The following TECPR2 variants were observed in gnomAD, a reference collection of about 807,000 sequenced individuals.
The protein encoded by TECPR2 is tectonin beta-propeller repeat containing 2.
A neutral mutation model predicts 138.1 loss-of-function variants in TECPR2; 65 were observed. The observed-to-expected ratio is 0.47, with a 90% confidence interval of 0.39 to 0.58. TECPR2 has a LOEUF of 0.58. Among genes scored for constraint, TECPR2 ranks in the 20% least tolerant of loss-of-function variants. The pLI is 0.00. For missense variants in TECPR2, 1,553 were observed against 1,824.5 expected (o/e 0.85, Z 2.71); for synonymous variants, 746 against 749.8 (o/e 0.99, Z 0.08).
Position 102,498,725 on chromosome 14 carries a change from CCATCATAGGGGGGTGT to C in TECPR2, c.*470_*485del. 2.3e-6 allele frequency: 1 copy of C among 441,270 alleles called. No individual in the cohort carries two copies. The highest frequency in any genetic ancestry group is 1.8e-5 in the South Asian group (1 of 54,144). 27.3% of individuals were successfully genotyped at this position (441,270 alleles called of 1,614,324 possible). ...GGATGTGCTCGGTGATGGCTTTGTCCCATCATAGGGGGGTGTCCCCCCAGAGACAAAGCTGCAGAGC... is the reference window on the plus strand; with the variant it reads ...GGATGTGCTCGGTGATGGCTTTGTCCCCCCCCAGAGACAAAGCTGCAGAGC... On this transcript the variant is annotated 3_prime_UTR_variant, in exon 20 of 20. Coordinates refer to ENST00000359520, the MANE Select transcript of TECPR2 (RefSeq NM_014844.5).
intron 17 of TECPR2, among the ~76,000 whole-genome samples, chr14:102,480,648 T>C (rs1038968347): frequency 6.6e-6 from 1 of 151,952 alleles, no homozygotes; most frequent in African/African-American, 2.4e-5. Flanking sequence ...GCCTCCAAAA[T>C]GGCTAGGGGT....
chr14:102,424,833 AAAAC>A, intron 5 of TECPR2, 142 bp from the exon 6 acceptor site: 2 of 837,440 alleles, frequency 2.4e-6, no homozygotes, highest in Middle Eastern at 3.7e-4. Context: ...GGTTTGACAA[AAAAC>A]AAACAGTAGA....
intron 2 of TECPR2, among the ~76,000 whole-genome samples, chr14:102,389,764 T>G (rs546077527): frequency 2.3e-4 from 35 of 152,324 alleles, no homozygotes; most frequent in African/African-American, 8.4e-4. Context: ...GAATTTGCCT[T>G]GTCTGTTTCT....
chr14:102,487,935 G>A (rs1417997880), intron 17 of TECPR2, among the ~76,000 whole-genome samples: 4 of 147,286 alleles, frequency 2.7e-5, no homozygotes, highest in South Asian at 4.3e-4. Flanking sequence ...TCTGCCTCCC[G>A]GGTTCAAGCG....
At chr14:102,413,167 A>G (rs758458626) in intron 4 of TECPR2, among the ~76,000 whole-genome samples, 1 of 152,080 alleles carries the variant, frequency 6.6e-6, no homozygotes, top group African/African-American at 2.4e-5. Context: ...TTACATGACT[A>G]TAAATTTGTC....
chr14:102,478,199 C>T (rs1374267809), intron 17 of TECPR2, among the ~76,000 whole-genome samples: 1 of 151,852 alleles, frequency 6.6e-6, no homozygotes, highest in African/African-American at 2.4e-5. Context: ...AGGCATGCAC[C>T]ACCGCACCTA....
rs909078054 is a variant in TECPR2, at chr14:102,420,876, A to C, written c.639-4103A>C. On this transcript the variant is annotated intron_variant, in intron 5 of 19. Coordinates refer to ENST00000359520, the MANE Select transcript of TECPR2 (RefSeq NM_014844.5). The surrounding 1 kb of genome is among the most constrained non-coding windows in gnomAD (Gnocchi z 4.1). ...CTGGTGTTCAGGACCTCGCCTTCTC[A>C]TGCCCACTCAGATGCACCACCTTGA... is the stretch of plus-strand genomic sequence containing the variant. Among the ~76,000 whole-genome samples the C allele has an allele frequency of 2.0e-5, 3 of 152,136 alleles. No individual in the cohort carries two copies. The highest frequency in any genetic ancestry group is 7.2e-5 in the African/African-American group (3 of 41,436).
rs1475711275 is a variant in TECPR2 at position 102,413,297 on chromosome 14, T to C, written c.481-1339T>C. ...GTCAGTGATGTTACAGCAGTATTTC[T>C]GAAATAATTGATGAAACTTTTCATA... On this transcript the variant is annotated intron_variant, in intron 4 of 19. Transcript: ENST00000359520. Among the ~76,000 whole-genome samples, 7 of 151,784 alleles carry C rather than the reference T, an allele frequency of 4.6e-5. No homozygotes were observed. In the East Asian group the frequency reaches 1.4e-3, roughly 29 times the overall value.
intron 17 of TECPR2, among the ~76,000 whole-genome samples, chr14:102,473,089 T>C (rs1890682666): frequency 6.6e-6 from 1 of 152,244 alleles, no homozygotes; most frequent in African/African-American, 2.4e-5. Flanking sequence ...GTTCAGAAAG[T>C]TGCCTGAGGC....
rs1167894346 is a variant in TECPR2 at position 102,402,231 on chromosome 14, TC to T, written c.220-5106del. ...AACCACAACAGGATAAAGTTAGAAA[TC>T]AGTAACAGAAGGAAAATTGGAGAAT... is the stretch of plus-strand genomic sequence containing the variant. On this transcript the variant is annotated intron_variant, in intron 2 of 19. Transcript: ENST00000359520. 2.0e-5 allele frequency among the ~76,000 whole-genome samples: 3 copies of T among 152,188 alleles called. No homozygotes were observed. The East Asian group carries it at 5.8e-4, about 29-fold the overall frequency.
rs760573958 is a variant in TECPR2, at chr14:102,498,849, G to A, written c.*592G>A. On this transcript the variant is annotated 3_prime_UTR_variant, in exon 20 of 20. Transcript: ENST00000359520. ...CTGGCCATGCCAGGAGAGAACCCAC[G>A]CACATGCACACCACAACACACAACA... is the stretch of plus-strand genomic sequence containing the variant. 15 of 633,844 alleles carry A rather than the reference G, an allele frequency of 2.4e-5. No individual in the cohort carries two copies. The highest frequency in any genetic ancestry group is 1.0e-4 in the Admixed American group (5 of 47,782). The allele number at this position is 633,844 out of a possible 1,614,324, so 39.3% of individuals were successfully genotyped here. A position where few individuals can be genotyped will look rare whatever the true frequency, so the allele number is the denominator to read the frequency against.
At chr14:102,387,772 C>T (rs1215520995) in intron 2 of TECPR2, among the ~76,000 whole-genome samples, 2 of 152,016 alleles carry the variant, frequency 1.3e-5, no homozygotes. Context: ...GTGATCCACT[C>T]GCCTCAGCCT....
intron 2 of TECPR2, among the ~76,000 whole-genome samples, chr14:102,396,240 T>C (rs1049185411): frequency 1.3e-5 from 2 of 151,920 alleles, no homozygotes; most frequent in African/African-American, 4.8e-5. Context: ...ACAGCTGGGA[T>C]TACAGGCACA....
At chr14:102,475,223 A>G (rs1176529147) in intron 17 of TECPR2, among the ~76,000 whole-genome samples, 4 of 152,192 alleles carry the variant, frequency 2.6e-5, no homozygotes, top group Non-Finnish European at 4.4e-5. Flanking sequence ...GGAGTGTAGC[A>G]GGCAGGCAGG....
intron 11 of TECPR2, among the ~76,000 whole-genome samples, 188 bp downstream of exon 11, chr14:102,440,797 A>C (rs1231810172): frequency 6.6e-6 from 1 of 152,254 alleles, no homozygotes; most frequent in African/African-American, 2.4e-5. Flanking sequence ...CATTGACACA[A>C]ACTCAACCCA....
Position 102,450,584 on chromosome 14 carries a change from C to T in TECPR2, c.3341C>T (p.Pro1114Leu), listed in dbSNP as rs564204549. The T allele has an allele frequency of 1.1e-5, 17 of 1,614,186 alleles. No individual in the cohort carries two copies. The South Asian group carries it at 1.5e-4, about 15-fold the overall frequency. The change falls in exon 15 of 20, where the codon CCC becomes CTC. Residue 1114 changes from proline to leucine, a missense_variant. Coordinates refer to ENST00000359520, the MANE Select transcript of TECPR2 (RefSeq NM_014844.5). ...LIGTYWNHVV[P>L]RGTASATKWA... ...GGCACCTACTGGAATCATGTGGTTC[C>T]CCGTGGGACAGCTTCTGCTACAAAA...
intron 4 of TECPR2, among the ~76,000 whole-genome samples, chr14:102,409,839 C>T (rs1888773437): frequency 6.6e-6 from 1 of 151,568 alleles, no homozygotes; most frequent in Admixed American, 6.6e-5. Context: ...GAGTCTCGCT[C>T]TGTTGCCCAG....
At chr14:102,382,250 G>A (rs993752351) in intron 2 of TECPR2, among the ~76,000 whole-genome samples, 4 of 151,356 alleles carry the variant, frequency 2.6e-5, no homozygotes, top group East Asian at 1.9e-4. Context: ...CCAAGATCGC[G>A]CCATTGCACT....
At position 102,431,868 on chromosome 14, in the gene TECPR2, C is replaced by T; in HGVS notation, c.1157C>T (p.Ala386Val). 6.2e-7 allele frequency: 1 copy of T among 1,603,372 alleles called. No homozygotes were observed. The highest frequency in any genetic ancestry group is 8.5e-7 in the Non-Finnish European group (1 of 1,171,154). ...HVQQAEKLPGATVSETRLRGS... is the reference protein window; with the variant it reads ...HVQQAEKLPGVTVSETRLRGS... Reference sequence around the variant, plus strand: ...CAGCAAGCGGAGAAGCTGCCAGGGGCCACAGTTTCTGAGACGAGGCTCAGA... The same window carrying T: ...CAGCAAGCGGAGAAGCTGCCAGGGGTCACAGTTTCTGAGACGAGGCTCAGA... The change falls in exon 8 of 20, where the codon GCC (alanine) becomes GTC (valine). Residue 386 changes from alanine to valine, a missense_variant. By Grantham distance (64) the Ala-to-Val change is moderately conservative. Coordinates refer to ENST00000359520, the MANE Select transcript of TECPR2 (RefSeq NM_014844.5).
Sources: gnomAD v4.1 joint callset for allele counts (sites outside exome capture counted in the v4.1 genomes callset) on GRCh38, gnomAD v4.1.1 for gene constraint, Gnocchi (gnomAD v3.1) non-coding constraint, MANE v1.5 for transcripts, NCBI Gene and HGNC (gene_info 2026-07-23, HGNC 2026-07-21) for gene names.